KIRREL3: variants seen among roughly 807,000 people sequenced by gnomAD.
KIRREL3 encodes kin of IRRE-like protein 3.
Under a neutral mutation model 89.7 loss-of-function variants are expected in KIRREL3, and 36 were observed. That is an observed-to-expected ratio of 0.40 (90% confidence interval 0.31 to 0.53). The LOEUF (loss-of-function observed/expected upper bound fraction) is 0.53. KIRREL3 is among the 20% of genes least tolerant of loss of function. KIRREL3 has a pLI of 0.49. For missense variants in KIRREL3, 864 were observed against 1,056.6 expected, an observed-to-expected ratio of 0.82 and a Z score of 2.53; for synonymous variants, 445 against 441.4, an observed-to-expected ratio of 1.01 and a Z score of -0.10.
rs773460788 is a variant in KIRREL3 at position 126,562,896 on chromosome 11, C to T, written c.72G>A (p.Lys24=). Residue 24 remains lysine (K), a synonymous_variant, in exon 2 of 17, where the codon AAG becomes AAA. Coordinates refer to ENST00000525144, the MANE Select transcript of KIRREL3 (RefSeq NM_032531.4). This position sits in a 1 kb window ranked among gnomAD's most constrained non-coding sequence, Gnocchi z 4.7. Reference sequence around the variant, plus strand: ...AGCCCAGCACCAGACAGCATCCTCTCTTCTGGAGGCCCAGCTCTGGAAGAG... The same window carrying T: ...AGCCCAGCACCAGACAGCATCCTCTTTTCTGGAGGCCCAGCTCTGGAAGAG... ...FLFSQELGLQ[K]RGCCLVLGYM... The T allele has an allele frequency of 1.9e-6, 3 of 1,613,836 alleles. No individual in the cohort carries two copies. The South Asian group carries it at 3.3e-5, about 18-fold the overall frequency.
chr11:126,546,508 G>C (rs1938822756), intron 2 of KIRREL3, among the ~76,000 whole-genome samples: 1 of 152,164 alleles, frequency 6.6e-6, no homozygotes. Context: ...AGCACAACCT[G>C]GGGGCAGAAG....
At position 127,000,365 on chromosome 11, in the gene KIRREL3, C is replaced by A. The variant is rs759925392; in HGVS notation, c.55+90G>T. On this transcript the variant is annotated intron_variant, in intron 1 of 16. Transcript: ENST00000525144. The surrounding 1 kb of genome is among the most constrained non-coding windows in gnomAD (Gnocchi z 7.1). Reference sequence around the variant, plus strand: ...GAGACGCATCCATCAGTCCGAGTTCCCGAAGCCTGCCCACGTTCCTGCCCA... The same window carrying A: ...GAGACGCATCCATCAGTCCGAGTTCACGAAGCCTGCCCACGTTCCTGCCCA... 8.8e-7 allele frequency: 1 copy of A among 1,132,218 alleles called. No individual in the cohort carries two copies. The highest frequency in any genetic ancestry group is 1.3e-6 in the Non-Finnish European group (1 of 787,594). The allele number at this position is 1,132,218 out of a possible 1,614,324, so 70.1% of individuals were successfully genotyped here.
At position 126,736,023 on chromosome 11, in the gene KIRREL3, T is replaced by A. The variant is rs116376117; in HGVS notation, c.56-173111A>T. Reference sequence around the variant, plus strand: ...ATGAATCCTCAATTAGTCCTGACTTTGCTTGAGAGTTTTTATGAAACTGCC... The same window carrying A: ...ATGAATCCTCAATTAGTCCTGACTTAGCTTGAGAGTTTTTATGAAACTGCC... On this transcript the variant is annotated intron_variant, in intron 1 of 16. Transcript: ENST00000525144. The surrounding 1 kb of genome is among the most constrained non-coding windows in gnomAD (Gnocchi z 5.0). 0.014 allele frequency among the ~76,000 whole-genome samples: 2,147 copies of A among 152,328 alleles called. 47 individuals are homozygous for A. Among genetic ancestry groups the A allele is most frequent in the African/African-American group, 0.045 (1,887 of 41,572 alleles).
intron 11 of KIRREL3, among the ~76,000 whole-genome samples, chr11:126,439,053 A>G (rs1955463848): frequency 2.0e-5 from 3 of 152,192 alleles, no homozygotes; most frequent in Admixed American, 2.0e-4. Flanking sequence ...CTTTGTTTTC[A>G]TGCCTGAGAT....
intron 1 of KIRREL3, among the ~76,000 whole-genome samples, chr11:126,760,252 T>G (rs1476320215): frequency 6.6e-6 from 1 of 152,222 alleles, no homozygotes; most frequent in Admixed American, 6.5e-5. Flanking sequence ...TCCTATTTAT[T>G]GTTCATTGCT....
intron 7 of KIRREL3, among the ~76,000 whole-genome samples, chr11:126,451,689 T>C (rs1956177903): frequency 6.6e-6 from 1 of 152,082 alleles, no homozygotes; most frequent in Non-Finnish European, 1.5e-5. Context: ...TGCGTGTGTG[T>C]GCACGTGTGA....
In KIRREL3 at chr11:126,918,967, T is replaced by C. The variant is rs934945409; in HGVS notation, c.55+81488A>G. On this transcript the variant is annotated intron_variant, in intron 1 of 16. Coordinates refer to ENST00000525144, the MANE Select transcript of KIRREL3 (RefSeq NM_032531.4). This position sits in a 1 kb window ranked among gnomAD's most constrained non-coding sequence, Gnocchi z 6.5. Reference sequence around the variant, plus strand: ...ATAACATCATATGTTATAAGATATGTATTGTTACATCATATTATATTATTA... The same window carrying C: ...ATAACATCATATGTTATAAGATATGCATTGTTACATCATATTATATTATTA... 4.6e-5 allele frequency among the ~76,000 whole-genome samples: 6 copies of C among 131,344 alleles called. No individual in the cohort carries two copies. The highest frequency in any genetic ancestry group is 1.6e-4 in the African/African-American group (6 of 38,676). 86.2% of individuals were successfully genotyped at this position (131,344 alleles called of 152,430 possible). A position where few individuals can be genotyped will look rare whatever the true frequency, so the allele number is the denominator to read the frequency against.
At chr11:126,658,627 A>G (rs1945260692) in intron 1 of KIRREL3, among the ~76,000 whole-genome samples, 1 of 152,242 alleles carries the variant, frequency 6.6e-6, no homozygotes, top group South Asian at 2.1e-4. Flanking sequence ...TACTTTAATT[A>G]CTGACTCGGA....
chr11:126,637,939 T>C (rs1448731063), intron 1 of KIRREL3, among the ~76,000 whole-genome samples: 1 of 152,180 alleles, frequency 6.6e-6, no homozygotes, highest in Non-Finnish European at 1.5e-5. Context: ...AGTGGGAGCA[T>C]GAGTCAGTGA....
Position 126,564,425 on chromosome 11 carries a change from C to T in KIRREL3, c.56-1513G>A, listed in dbSNP as rs573488961. Reference sequence around the variant, plus strand: ...CATGGCAGGAGGTGGCAGAACGCCACGGCCCAGGGAGGTCCCTGGCTTTGA... The same window carrying T: ...CATGGCAGGAGGTGGCAGAACGCCATGGCCCAGGGAGGTCCCTGGCTTTGA... On this transcript the variant is annotated intron_variant, in intron 1 of 16. Coordinates refer to ENST00000525144, the MANE Select transcript of KIRREL3 (RefSeq NM_032531.4). This position sits in a 1 kb window ranked among gnomAD's most constrained non-coding sequence, Gnocchi z 7.4. Among the ~76,000 whole-genome samples, 9 of 152,284 alleles carry T rather than the reference C, an allele frequency of 5.9e-5. No individual in the cohort carries two copies. The highest frequency in any genetic ancestry group is 2.1e-4 in the South Asian group (1 of 4,824).
intron 1 of KIRREL3, among the ~76,000 whole-genome samples, chr11:126,596,720 A>G (rs1429057397): frequency 1.3e-5 from 2 of 152,312 alleles, no homozygotes; most frequent in Admixed American, 1.3e-4. Context: ...AAAGCTCTTC[A>G]CAGCTCACCT....
At chr11:126,832,602 G>A (rs182855028) in intron 1 of KIRREL3, among the ~76,000 whole-genome samples, 4 of 152,278 alleles carry the variant, frequency 2.6e-5, no homozygotes, top group Non-Finnish European at 4.4e-5. Context: ...CGCGAGATAA[G>A]CTTGTGCTGC....
rs954166960 is a variant in KIRREL3 at position 126,755,846 on chromosome 11, AGAGAGAGAGG to A, written c.56-192944_56-192935del. Among the ~76,000 whole-genome samples the A allele has an allele frequency of 7.1e-6, 1 of 141,698 alleles. No homozygotes were observed. Among genetic ancestry groups the A allele is most frequent in the Admixed American group, 6.9e-5 (1 of 14,406 alleles). The allele number at this position is 141,698 out of a possible 152,430, so 93.0% of individuals were successfully genotyped here. The stretch of plus-strand genomic sequence containing the variant: ...GGCAGAGAGAGAGAGAGAGAGAGAG[AGAGAGAGAGG>A]GAGAGAGGGAGAGAGAAAAAACAGA... On this transcript the variant is annotated intron_variant, in intron 1 of 16. Transcript: ENST00000525144. This position sits in a 1 kb window ranked among gnomAD's most constrained non-coding sequence, Gnocchi z 4.3.
rs964113940 is a variant in KIRREL3, at chr11:126,652,283, G to A, written c.56-89371C>T. ...CCAGCACCCACTGGCCAAAAAGCCC[G>A]GGTTGGGGTCTCTGTGGGTTGATGG... On this transcript the variant is annotated intron_variant, in intron 1 of 16. Transcript: ENST00000525144. The surrounding 1 kb of genome is among the most constrained non-coding windows in gnomAD (Gnocchi z 4.9). 5.3e-5 allele frequency among the ~76,000 whole-genome samples: 8 copies of A among 152,054 alleles called. No individual in the cohort carries two copies. The highest frequency in any genetic ancestry group is 1.2e-4 in the African/African-American group (5 of 41,408).
chr11:126,770,702 CATTT>C (rs1366637543), intron 1 of KIRREL3, among the ~76,000 whole-genome samples: 1 of 152,148 alleles, frequency 6.6e-6, no homozygotes, highest in Non-Finnish European at 1.5e-5. Context: ...TCAAAGATGG[CATTT>C]GAAGAAGACT....
rs1168653203 is a variant in KIRREL3, at chr11:126,740,663, A to G, written c.56-177751T>C. The stretch of plus-strand genomic sequence containing the variant: ...ACTGTGGCTCCAAGGGGGAGGTGCT[A>G]GTAGAGGGGCTCTAGTAGGGTGTCT... On this transcript the variant is annotated intron_variant, in intron 1 of 16. Coordinates refer to ENST00000525144, the MANE Select transcript of KIRREL3 (RefSeq NM_032531.4). The surrounding 1 kb of genome is among the most constrained non-coding windows in gnomAD (Gnocchi z 6.0). Among the ~76,000 whole-genome samples the G allele has an allele frequency of 6.6e-6, 1 of 152,136 alleles. No homozygotes were observed. The highest frequency in any genetic ancestry group is 2.4e-5 in the African/African-American group (1 of 41,436).
intron 1 of KIRREL3, among the ~76,000 whole-genome samples, chr11:126,887,016 T>C (rs1032064809): frequency 2.0e-5 from 3 of 152,126 alleles, no homozygotes; most frequent in African/African-American, 7.2e-5. Context: ...GGTGAACACG[T>C]GAGTTAGTGC....
chr11:126,431,003 G>A lies in KIRREL3; in HGVS notation c.1696+416C>T. 2.6e-6 allele frequency: 3 copies of A among 1,133,458 alleles called. No individual in the cohort carries two copies. Among genetic ancestry groups the A allele is most frequent in the Non-Finnish European group, 3.2e-6 (3 of 924,592 alleles). The allele number at this position is 1,133,458 out of a possible 1,614,324, so 70.2% of individuals were successfully genotyped here. A position where few individuals can be genotyped will look rare whatever the true frequency, so the allele number is the denominator to read the frequency against. Reference sequence around the variant, plus strand: ...CCCACTCCCCCACAGCTGTGTGAGTGACCTGCTTTTCTGGTGAGACTAGCA... The same window carrying A: ...CCCACTCCCCCACAGCTGTGTGAGTAACCTGCTTTTCTGGTGAGACTAGCA... On this transcript the variant is annotated intron_variant, in intron 14 of 16. Coordinates refer to ENST00000525144, the MANE Select transcript of KIRREL3 (RefSeq NM_032531.4). The surrounding 1 kb of genome is among the most constrained non-coding windows in gnomAD (Gnocchi z 7.1).
At position 126,484,289 on chromosome 11, in the gene KIRREL3, C is replaced by T. The variant is rs1957294091; in HGVS notation, c.434-10823G>A. 6.6e-6 allele frequency among the ~76,000 whole-genome samples: 1 copy of T among 152,156 alleles called. No individual in the cohort carries two copies. The highest frequency in any genetic ancestry group is 1.5e-5 in the Non-Finnish European group (1 of 68,036). On this transcript the variant is annotated intron_variant, in intron 4 of 16. Transcript: ENST00000525144. This position sits in a 1 kb window ranked among gnomAD's most constrained non-coding sequence, Gnocchi z 5.2. The stretch of plus-strand genomic sequence containing the variant: ...GGAGTCCTGGCGCCTCTTTGCCTGT[C>T]TCCCATTGCCTAGTATGTTACCTTG...
Sources: gnomAD v4.1 joint callset for allele counts (sites outside exome capture counted in the v4.1 genomes callset) on GRCh38, gnomAD v4.1.1 for gene constraint, Gnocchi (gnomAD v3.1) non-coding constraint, MANE v1.5 for transcripts, NCBI Gene and HGNC (gene_info 2026-07-23, HGNC 2026-07-21) for gene names.